Variants in FGF2 observed in about 807,000 individuals in gnomAD.
FGF2 encodes the protein fibroblast growth factor 2.
In FGF2, 13 loss-of-function variants were observed where a neutral mutation model predicts 15.9. The observed-to-expected ratio is 0.82, with a 90% CI of 0.53 to 1.30. The LOEUF (loss-of-function observed/expected upper bound fraction) is 1.30, where lower values mean the gene tolerates loss of function less well. FGF2 is among the 50% of genes most tolerant of loss of function. The pLI is 0.00. For missense variants in FGF2, 163 were observed against 196.9 expected (o/e 0.83, Z 1.03); for synonymous variants, 90 against 78.4 (o/e 1.15, Z -0.78).
chr4:122,860,317 T>C (rs957340101), intron 1 of FGF2, among the ~76,000 whole-genome samples: 1 of 152,158 alleles, frequency 6.6e-6, no homozygotes, highest in African/African-American at 2.4e-5. Context: ...TTATTTTCAA[T>C]AGTTCATCTG....
intron 2 of FGF2, among the ~76,000 whole-genome samples, chr4:122,881,435 G>A (rs1369773423): frequency 6.6e-6 from 1 of 152,138 alleles, no homozygotes; most frequent in African/African-American, 2.4e-5. Context: ...ATCACATTTT[G>A]AATGCTTTGC....
chr4:122,844,691 C>T (rs369319171), intron 1 of FGF2, among the ~76,000 whole-genome samples: 2 of 150,022 alleles, frequency 1.3e-5, no homozygotes, highest in African/African-American at 2.5e-5. Flanking sequence ...GGCTGGAGTA[C>T]GGTGGTATAG....
At chr4:122,858,253 GAGAGGGGCAATATGAAATGTGTT>G (rs1202766622) in intron 1 of FGF2, among the ~76,000 whole-genome samples, 1 of 152,146 alleles carries the variant, frequency 6.6e-6, no homozygotes, top group African/African-American at 2.4e-5. Flanking sequence ...AAAGTTTACT[GAGAGGGGCAATATGAAATGTGTT>G]AGTCATATTT....
intron 1 of FGF2, among the ~76,000 whole-genome samples, chr4:122,835,245 A>G (rs562319091): frequency 4.6e-5 from 7 of 152,124 alleles, no homozygotes; most frequent in African/African-American, 1.7e-4. Context: ...CTTTACTGCA[A>G]TGCTGTGGTC....
At chr4:122,891,032 TTTTG>T (rs1188567276) in intron 2 of FGF2, among the ~76,000 whole-genome samples, 12 of 120,922 alleles carry the variant, frequency 9.9e-5, no homozygotes, top group South Asian at 6.1e-4. Context: ...TTTTTTTTTT[TTTTG>T]TTTTGTTTTG....
intron 1 of FGF2, among the ~76,000 whole-genome samples, chr4:122,866,652 T>C (rs1726599955): frequency 6.6e-6 from 1 of 152,194 alleles, no homozygotes; most frequent in African/African-American, 2.4e-5. Flanking sequence ...CACACTCAAC[T>C]AGGATGCCTA....
At chr4:122,891,709 A>C (rs1727193688) in intron 2 of FGF2, among the ~76,000 whole-genome samples, 1 of 146,958 alleles carries the variant, frequency 6.8e-6, no homozygotes. Flanking sequence ...TCTTGTGAGT[A>C]AAGTATTAAC....
chr4:122,829,048 CTT>C (rs34959980), intron 1 of FGF2, among the ~76,000 whole-genome samples: 1 of 151,272 alleles, frequency 6.6e-6, no homozygotes, highest in African/African-American at 2.4e-5. Context: ...CCCTAATACT[CTT>C]TTTTTTTCAG....
intron 2 of FGF2, chr4:122,884,392 GGC>G (rs1486523590): frequency 1.3e-5 from 2 of 152,224 alleles, no homozygotes; most frequent in Admixed American, 1.3e-4. Flanking sequence ...CAACTTGGGA[GGC>G]TGAGGCAGGA....
At position 122,827,465 on chromosome 4, in the gene FGF2, G is replaced by C. The variant is rs1725667556; in HGVS notation, c.178+113G>C. The C allele has an allele frequency of 2.4e-6, 3 of 1,270,682 alleles. No homozygotes were observed. The East Asian group carries it at 7.5e-5, about 32-fold the overall frequency. The allele number at this position is 1,270,682 out of a possible 1,614,324, so 78.7% of individuals were successfully genotyped here. A position where few individuals can be genotyped will look rare whatever the true frequency, so the allele number is the denominator to read the frequency against. ...ATCTTCACTGCGACCCTAGCGCTCCGTGTGGTTTCTGGCCGCGCGGCCCTC... is the reference window on the plus strand; with the variant it reads ...ATCTTCACTGCGACCCTAGCGCTCCCTGTGGTTTCTGGCCGCGCGGCCCTC... On this transcript the variant is annotated intron_variant, in intron 1 of 2. Transcript: ENST00000644866. The surrounding 1 kb of genome is among the most constrained non-coding windows in gnomAD (Gnocchi z 4.2).
intron 2 of FGF2, chr4:122,882,477 T>C (rs1347604159): frequency 2.0e-5 from 3 of 152,190 alleles, no homozygotes; most frequent in Non-Finnish European, 4.4e-5. Flanking sequence ...TGTAAAATAC[T>C]CAAAATAAAG....
At position 122,854,559 on chromosome 4, in the gene FGF2, C is replaced by A. The variant is rs78212594; in HGVS notation, c.179-21762C>A. ...ATCCTGTTTTATTCCTTTAAATACTCAGCACAGCTGAAGAAGAGGTCCTGT... is the reference window on the plus strand; with the variant it reads ...ATCCTGTTTTATTCCTTTAAATACTAAGCACAGCTGAAGAAGAGGTCCTGT... On this transcript the variant is annotated intron_variant, in intron 1 of 2. Coordinates refer to ENST00000644866, the MANE Select transcript of FGF2 (RefSeq NM_001361665.2). Among the ~76,000 whole-genome samples the A allele has an allele frequency of 1.2e-3, 180 of 152,318 alleles. 1 individual carries two copies. The highest frequency in any genetic ancestry group is 4.1e-3 in the African/African-American group (171 of 41,570).
chr4:122,892,290 C>T lies in FGF2; in HGVS notation c.362C>T (p.Thr121Ile). 6.2e-7 allele frequency: 1 copy of T among 1,613,774 alleles called. No homozygotes were observed. Among genetic ancestry groups the T allele is most frequent in the Non-Finnish European group, 8.5e-7 (1 of 1,179,692 alleles). ...AATACTTACCGGTCAAGGAAATACACCAGTTGGTATGTGGCACTGAAACGA... is the reference window on the plus strand; with the variant it reads ...AATACTTACCGGTCAAGGAAATACATCAGTTGGTATGTGGCACTGAAACGA... ...NYNTYRSRKY[T>I]SWYVALKRTG... The change falls in exon 3 of 3, where the codon ACC becomes ATC. Residue 121 changes from threonine to isoleucine, a missense_variant. Physicochemically the swap from Thr to Ile is moderately conservative, Grantham distance 89. Transcript: ENST00000644866.
chr4:122,844,565 CTTTCTT>C (rs756400881), intron 1 of FGF2, among the ~76,000 whole-genome samples: 1,628 of 142,492 alleles, frequency 0.011, 30 homozygotes, highest in African/African-American at 0.043. Context: ...CTTTTTCTTT[CTTTCTT>C]TTTCTTTCTT....
chr4:122,892,181 A>G (rs1346251052), intron 2 of FGF2, 30 bp from the exon 3 acceptor site: 2 of 1,513,858 alleles, frequency 1.3e-6, no homozygotes, highest in Non-Finnish European at 1.8e-6. Flanking sequence ...AATGATAATA[A>G]TAACAGGTAA....
rs537528863 is a variant in FGF2 at position 122,826,873 on chromosome 4, C to G, written c.-302C>G. On this transcript the variant is annotated 5_prime_UTR_variant, in exon 1 of 3. Transcript: ENST00000644866. ...GGTGCCCGCGGTTGCAACGGGATCC[C>G]GGGCGCTGCAGCTTGGGAGGCGGCT... 2.0e-6 allele frequency: 3 copies of G among 1,522,190 alleles called. No individual in the cohort carries two copies. The highest frequency in any genetic ancestry group is 1.2e-5 in the South Asian group (1 of 81,646). The allele number at this position is 1,522,190 out of a possible 1,614,324, so 94.3% of individuals were successfully genotyped here. A position where few individuals can be genotyped will look rare whatever the true frequency, so the allele number is the denominator to read the frequency against.
At chr4:122,870,046 G>T (rs1219498789) in intron 1 of FGF2, among the ~76,000 whole-genome samples, 1 of 152,138 alleles carries the variant, frequency 6.6e-6, no homozygotes, top group Admixed American at 6.5e-5. Flanking sequence ...GCATAAAAGG[G>T]TGTTGAATTT....
intron 1 of FGF2, among the ~76,000 whole-genome samples, chr4:122,844,665 C>T (rs1553947449): frequency 7.0e-6 from 1 of 142,872 alleles, no homozygotes; most frequent in Non-Finnish European, 1.5e-5. Context: ...TTGACTGGGA[C>T]CTACTCTGTC....
In FGF2 at chr4:122,885,352, G is replaced by T. The variant is rs529585296; in HGVS notation, c.283-6859G>T. ...AATAGATGAATATCTTCACAAACAT[G>T]CTGTTGACAGTCTGGTGAAATAAAG... On this transcript the variant is annotated intron_variant, in intron 2 of 2. Transcript: ENST00000644866. Among the ~76,000 whole-genome samples the T allele has an allele frequency of 3.7e-4, 57 of 152,270 alleles. No homozygotes were observed. In the South Asian group the frequency reaches 4.6e-3, roughly 12 times the overall value.
Sources: allele counts gnomAD v4.1 joint callset (sites outside exome capture counted in the v4.1 genomes callset), GRCh38; gene constraint gnomAD v4.1.1; non-coding constraint Gnocchi (gnomAD v3.1); transcripts MANE v1.5; gene names NCBI Gene and HGNC (gene_info 2026-07-23, HGNC 2026-07-21).